The following HEATR5A variants were observed in gnomAD, a reference collection of about 807,000 sequenced individuals.
HEATR5A encodes HEAT repeat containing 5A, also known as HEAT repeat-containing protein 5A.
Under a neutral mutation model 218.8 loss-of-function variants are expected in HEATR5A, and 178 were observed. That is an observed-to-expected ratio of 0.81 (90% confidence interval 0.72 to 0.92). HEATR5A has a LOEUF of 0.92. Ranked by LOEUF, HEATR5A falls within the 40% of genes least tolerant of loss-of-function variation. The pLI is 0.00. For missense variants in HEATR5A, 2,420 were observed against 2,418.9 expected (o/e 1.00, Z -0.01); for synonymous variants, 864 against 871.6 (o/e 0.99, Z 0.15).
chr14:31,295,900 G>C lies in HEATR5A; in HGVS notation c.5619+9C>G, dbSNP rs1420832522. 1 of 1,611,772 alleles carries C rather than the reference G, an allele frequency of 6.2e-7. No individual in the cohort carries two copies. The highest frequency in any genetic ancestry group is 8.5e-7 in the Non-Finnish European group (1 of 1,178,674). On this transcript the variant is annotated intron_variant, in intron 34 of 35. Transcript: ENST00000543095. The stretch of plus-strand genomic sequence containing the variant: ...TATTACATACATCTTTCTGCTAAAA[G>C]ACACTTACCACAGGATCTTTTATCT...
chr14:31,324,782 G>A (rs973492963), intron 23 of HEATR5A, among the ~76,000 whole-genome samples: 1 of 150,556 alleles, frequency 6.6e-6, no homozygotes, highest in Non-Finnish European at 1.5e-5. Flanking sequence ...TTCTTTTAAA[G>A]AAGTCCTTGC....
chr14:31,295,794 A>T, intron 34 of HEATR5A, 115 bp downstream of exon 34: 2 of 776,124 alleles, frequency 2.6e-6, no homozygotes, highest in Non-Finnish European at 2.1e-6. Flanking sequence ...AAATCTAAAA[A>T]TAAAAAAATT....
At chr14:31,362,606 C>CAAAAAATAAAA (rs1901657562) in intron 14 of HEATR5A, among the ~76,000 whole-genome samples, 1 of 44,748 alleles carries the variant, frequency 2.2e-5, no homozygotes, top group African/African-American at 1.0e-4. Context: ...CTACAAATGA[C>CAAAAAATAAAA]AAAAAAAAAA....
chr14:31,374,752 G>A, intron 12 of HEATR5A, 64 bp downstream of exon 12: 1 of 1,458,844 alleles, frequency 6.9e-7, no homozygotes, highest in Non-Finnish European at 9.3e-7. Context: ...ACAAGTACAT[G>A]TTAAAGACAA....
In HEATR5A at chr14:31,383,622, T is replaced by G. The variant is rs201904415; in HGVS notation, c.1495A>C (p.Lys499Gln). 341 of 1,613,954 alleles carry G rather than the reference T, an allele frequency of 2.1e-4. No individual in the cohort carries two copies. The African/African-American group carries it at 2.6e-3, about 12-fold the overall frequency. Residue 499 changes from lysine to glutamine, a missense_variant, in exon 10 of 36, where the codon AAG becomes CAG. By Grantham distance (53) the Lys-to-Gln change is moderately conservative. Transcript: ENST00000543095. The part of the protein sequence containing the change: ...DRCLERLTGH[K>Q]SSPEAVTGFS... ...CCAGTCACTGCTTCAGGTGAAGACT[T>G]ATGTCCAGTAAGCCGTTCAAGGCAA...
chr14:31,394,291 T>C (rs2030564059), intron 5 of HEATR5A, 65 bp from the exon 6 acceptor site: 1 of 1,000,870 alleles, frequency 1.0e-6, no homozygotes, highest in Admixed American at 3.5e-5. Flanking sequence ...CAGAGCTATG[T>C]AAGTTGCAGA....
intron 14 of HEATR5A, among the ~76,000 whole-genome samples, chr14:31,359,882 A>G (rs1212512215): frequency 1.3e-5 from 2 of 151,970 alleles, no homozygotes; most frequent in Non-Finnish European, 2.9e-5. Flanking sequence ...ACCAGCTGCA[A>G]CAGTATTATT....
rs538647943 is a variant in HEATR5A at position 31,387,384 on chromosome 14, GAA to G, written c.934-11_934-10del. 6.0e-4 allele frequency: 965 copies of G among 1,596,322 alleles called. 7 individuals carry two copies. In the Middle Eastern group the frequency reaches 8.6e-3, roughly 14 times the overall value. On this transcript the variant is annotated splice_polypyrimidine_tract_variant and intron_variant, in intron 7 of 35. Transcript: ENST00000543095. ...ACAAATACCACATAAGCCTAAAAAG[GAA>G]AAGAGTTTTATTTTCAATATTAAAT...
intron 24 of HEATR5A, 121 bp from the exon 25 acceptor site, chr14:31,321,801 T>C (rs1453103489): frequency 1.4e-6 from 1 of 712,984 alleles, no homozygotes; most frequent in Admixed American, 3.0e-5. Flanking sequence ...TGACTTGATA[T>C]ACTGTTTTTG....
intron 1 of HEATR5A, among the ~76,000 whole-genome samples, chr14:31,417,477 C>T (rs2031491245): frequency 2.0e-5 from 3 of 152,214 alleles, no homozygotes; most frequent in East Asian, 3.9e-4. Context: ...CCCAGCTACT[C>T]GGGAGGCTGA....
At chr14:31,349,262 C>A (rs1191054398) in intron 18 of HEATR5A, among the ~76,000 whole-genome samples, 1 of 152,126 alleles carries the variant, frequency 6.6e-6, no homozygotes, top group Non-Finnish European at 1.5e-5. Flanking sequence ...GTGGCACATG[C>A]CTGTAATCCC....
At chr14:31,351,984 A>G (rs1302964757) in intron 16 of HEATR5A, among the ~76,000 whole-genome samples, 2 of 152,006 alleles carry the variant, frequency 1.3e-5, no homozygotes, top group African/African-American at 4.8e-5. Context: ...TTATTCAACC[A>G]CTCTGCTACT....
intron 1 of HEATR5A, among the ~76,000 whole-genome samples, chr14:31,403,552 C>A (rs1041435522): frequency 6.6e-6 from 1 of 152,166 alleles, no homozygotes; most frequent in Non-Finnish European, 1.5e-5. Flanking sequence ...AGCATCAGTT[C>A]CCCCAGCCTA....
intron 24 of HEATR5A, 24 bp downstream of exon 24, chr14:31,323,541 T>TG (rs771282017): frequency 4.5e-6 from 7 of 1,550,076 alleles, no homozygotes; most frequent in Non-Finnish European, 5.3e-6. Context: ...TATCATTTGG[T>TG]GTTTTCATCA....
intron 2 of HEATR5A, among the ~76,000 whole-genome samples, chr14:31,402,021 T>C (rs945514686): frequency 3.9e-5 from 6 of 152,148 alleles, no homozygotes; most frequent in Non-Finnish European, 7.3e-5. Context: ...TGTTTTTTTT[T>C]CCCCAAATCT....
At chr14:31,305,210 C>T (rs1202148854) in intron 31 of HEATR5A, 33 bp from the exon 32 acceptor site, 4 of 1,592,114 alleles carry the variant, frequency 2.5e-6, no homozygotes, top group Non-Finnish European at 3.4e-6. Flanking sequence ...ATACTTTGTG[C>T]TTGCTCTGCT....
chr14:31,293,762 G>A (rs1220825786), intron 35 of HEATR5A, 129 bp downstream of exon 35: 3 of 1,036,558 alleles, frequency 2.9e-6, no homozygotes, highest in Non-Finnish European at 4.2e-6. Context: ...ATCAATACTT[G>A]GGATTAACAT....
chr14:31,328,006 T>G (rs554255967), intron 22 of HEATR5A, among the ~76,000 whole-genome samples: 6 of 152,158 alleles, frequency 3.9e-5, no homozygotes, highest in Non-Finnish European at 7.4e-5. Context: ...CAGGTTGGAG[T>G]ACAGTGGCAC....
At chr14:31,313,766 T>G (rs1346030941) in intron 27 of HEATR5A, among the ~76,000 whole-genome samples, 1 of 152,200 alleles carries the variant, frequency 6.6e-6, no homozygotes, top group Non-Finnish European at 1.5e-5. Flanking sequence ...GCCATTTAAA[T>G]CTATATACAC....
Sources: gnomAD v4.1 joint callset for allele counts (sites outside exome capture counted in the v4.1 genomes callset) on GRCh38, gnomAD v4.1.1 for gene constraint, MANE v1.5 for transcripts, NCBI Gene and HGNC (gene_info 2026-07-23, HGNC 2026-07-21) for gene names.